CLTA: variants seen among roughly 807,000 people sequenced by gnomAD.
CLTA encodes clathrin light chain A.
CLTA carries 9 observed loss-of-function variants against 26.9 expected under a neutral mutation model. The observed-to-expected ratio is 0.33, with a 90% confidence interval of 0.20 to 0.58. The LOEUF (loss-of-function observed/expected upper bound fraction) is 0.58. Among genes scored for constraint, CLTA ranks in the 20% least tolerant of loss-of-function variants. The pLI, the probability that CLTA is intolerant of heterozygous loss-of-function variation, is 0.85. For synonymous variants in CLTA, 120 were observed against 115.5 expected, an observed-to-expected ratio of 1.04 and a Z score of -0.25; for missense variants, 278 against 294.2, an observed-to-expected ratio of 0.94 and a Z score of 0.40.
At position 36,196,063 on chromosome 9, in the gene CLTA, G is replaced by T. The variant is rs562867195; in HGVS notation, c.218-1488G>T. On this transcript the variant is annotated intron_variant, in intron 1 of 4. Coordinates refer to ENST00000345519, the MANE Select transcript of CLTA (RefSeq NM_001833.4). ...GGCTGAGGTGGGTGGATCGTCTGAG[G>T]TCAGGAGTTCGAGACCATCCTGGCC... Among the ~76,000 whole-genome samples, 18 of 152,190 alleles carry T rather than the reference G, an allele frequency of 1.2e-4. No individual in the cohort carries two copies. The East Asian group carries it at 3.5e-3, about 30-fold the overall frequency.
At chr9:36,196,971 C>T (rs1480956041) in intron 1 of CLTA, among the ~76,000 whole-genome samples, 4 of 152,120 alleles carry the variant, frequency 2.6e-5, no homozygotes, top group Admixed American at 6.5e-5. Context: ...TCCAGGAAAT[C>T]GATAGCAGCC....
Position 36,211,732 on chromosome 9 carries a change from C to T in CLTA, c.615C>T (p.Arg205=), listed in dbSNP as rs1226238278. The T allele has an allele frequency of 6.2e-7, 1 of 1,614,076 alleles. No individual in the cohort carries two copies. The highest frequency in any genetic ancestry group is 8.5e-7 in the Non-Finnish European group (1 of 1,179,928). Reference sequence around the variant, plus strand: ...AGGCCAAAGATGTCTCCCGCATGCGCTCAGTCCTCATCTCCCTCAAGCAGG... The same window carrying T: ...AGGCCAAAGATGTCTCCCGCATGCGTTCAGTCCTCATCTCCCTCAAGCAGG... ...SKQAKDVSRM[R]SVLISLKQAP... The change falls in exon 5 of 5, where the codon CGC becomes CGT. Residue 205 remains arginine, a synonymous_variant. Coordinates refer to ENST00000345519, the MANE Select transcript of CLTA (RefSeq NM_001833.4).
intron 2 of CLTA, 89 bp downstream of exon 2, chr9:36,197,677 A>T: frequency 4.0e-6 from 4 of 993,744 alleles, no homozygotes; most frequent in Non-Finnish European, 6.1e-6. Context: ...AAGAAACCCC[A>T]GTCCTTTGAC....
At chr9:36,209,904 G>T (rs1441847978) in intron 4 of CLTA, among the ~76,000 whole-genome samples, 1 of 152,142 alleles carries the variant, frequency 6.6e-6, no homozygotes, top group Non-Finnish European at 1.5e-5. Context: ...TTCCTCTGTG[G>T]TCTTGCATGT....
chr9:36,202,370 C>T (rs573202233), intron 3 of CLTA, among the ~76,000 whole-genome samples: 4 of 152,064 alleles, frequency 2.6e-5, no homozygotes, highest in Non-Finnish European at 5.9e-5. Context: ...CATTTTTCAT[C>T]CCTTCTAGTA....
At chr9:36,204,616 G>A (rs537238370) in intron 4 of CLTA, among the ~76,000 whole-genome samples, 1 of 152,298 alleles carries the variant, frequency 6.6e-6, no homozygotes, top group South Asian at 2.1e-4. Context: ...TATGTGCTTT[G>A]TAATTAGGCA....
intron 3 of CLTA, 90 bp downstream of exon 3, chr9:36,199,186 C>G: frequency 1.2e-6 from 1 of 848,714 alleles, no homozygotes; most frequent in South Asian, 1.3e-5. Flanking sequence ...TCACATTAAC[C>G]AGTGTCATTG....
chr9:36,191,311 C>G (rs1226274585), intron 1 of CLTA, 38 bp downstream of exon 1: 2 of 1,476,150 alleles, frequency 1.4e-6, no homozygotes, highest in Non-Finnish European at 8.9e-7. Context: ...GAGGACTTGT[C>G]TGGAAACTCG....
chr9:36,211,690 C>T lies in CLTA; in HGVS notation c.573C>T (p.Asn191=). ...GGGTGGCCCGGCTGTGTGACTTTAA[C>T]CCCAAGTCTAGCAAGCAGGCCAAAG... is the stretch of plus-strand genomic sequence containing the variant. ...WERVARLCDF[N]PKSSKQAKDV... is the part of the protein sequence containing the mutation. The change falls in exon 5 of 5, where the codon AAC becomes AAT. Residue 191 remains asparagine (N), a synonymous_variant. Transcript: ENST00000345519. The T allele has an allele frequency of 6.2e-7, 1 of 1,614,114 alleles. No homozygotes were observed. The highest frequency in any genetic ancestry group is 8.5e-7 in the Non-Finnish European group (1 of 1,179,986).
chr9:36,206,881 C>T (rs777105937), intron 4 of CLTA, among the ~76,000 whole-genome samples: 1 of 151,738 alleles, frequency 6.6e-6, no homozygotes, highest in African/African-American at 2.4e-5. Context: ...GGCAACAGAG[C>T]GAGACTCAGT....
Position 36,191,110 on chromosome 9 carries a change from G to T in CLTA, c.54G>T (p.Ala18=). The T allele has an allele frequency of 1.3e-6, 2 of 1,599,328 alleles. No homozygotes were observed. Among genetic ancestry groups the T allele is most frequent in the South Asian group, 1.1e-5 (1 of 90,310 alleles). Residue 18 remains alanine, a synonymous_variant, in exon 1 of 5, where the codon GCG becomes GCT. Coordinates refer to ENST00000345519, the MANE Select transcript of CLTA (RefSeq NM_001833.4). ...CTGCCGGCGCCCCTGGCGGTCCCGC[G>T]CTGGGGAACGGAGTGGCCGGCGCCG... ...GAPAGAPGGP[A]LGNGVAGAGE... is the part of the protein sequence containing the mutation.
chr9:36,195,060 A>G (rs905403824), intron 1 of CLTA, among the ~76,000 whole-genome samples: 8 of 152,308 alleles, frequency 5.3e-5, no homozygotes, highest in East Asian at 3.9e-4. Flanking sequence ...TGGTATGTCA[A>G]TTGTACTATA....
At chr9:36,209,180 A>G in intron 4 of CLTA, 3 of 1,537,688 alleles carry the variant, frequency 2.0e-6, no homozygotes, top group Non-Finnish European at 2.7e-6. Context: ...GTTGTACCTC[A>G]ATTGTGGATT....
At position 36,211,556 on chromosome 9, in the gene CLTA, T is replaced by A. The variant is rs1410634794; in HGVS notation, c.486-47T>A. 2.6e-6 allele frequency: 4 copies of A among 1,553,526 alleles called. No individual in the cohort carries two copies. The South Asian group carries it at 4.8e-5, about 19-fold the overall frequency. Reference sequence around the variant, plus strand: ...TGTAGCAAGGCAGCCACCAGGTTGCTCAAAGGGGGTTCTGCATAAACCAAC... The same window carrying A: ...TGTAGCAAGGCAGCCACCAGGTTGCACAAAGGGGGTTCTGCATAAACCAAC... On this transcript the variant is annotated intron_variant, in intron 4 of 4. Coordinates refer to ENST00000345519, the MANE Select transcript of CLTA (RefSeq NM_001833.4).
intron 4 of CLTA, among the ~76,000 whole-genome samples, chr9:36,208,194 C>T (rs1442900680): frequency 6.6e-6 from 1 of 152,182 alleles, no homozygotes; most frequent in Non-Finnish European, 1.5e-5. Flanking sequence ...CAGGGTAAGA[C>T]TCCATGAGGG....
chr9:36,210,745 G>T, intron 4 of CLTA: 1 of 1,520,022 alleles, frequency 6.6e-7, no homozygotes, highest in South Asian at 1.1e-5. Context: ...AGCGGTGTTT[G>T]CCACGGCCAT....
upstream of CLTA, chr9:36,190,875 G>A (rs536920389): frequency 8.1e-6 from 8 of 993,262 alleles, no homozygotes; most frequent in East Asian, 9.3e-5. Flanking sequence ...TTCCCTTTTC[G>A]GCTCTGCAAC....
intron 3 of CLTA, among the ~76,000 whole-genome samples, chr9:36,201,771 T>G (rs1827424505): frequency 6.6e-6 from 1 of 152,198 alleles, no homozygotes; most frequent in Non-Finnish European, 1.5e-5. Flanking sequence ...AGCTAAATCT[T>G]GCATTCCACA....
chr9:36,209,054 C>T (rs954642486), intron 4 of CLTA, among the ~76,000 whole-genome samples: 4 of 152,324 alleles, frequency 2.6e-5, no homozygotes, highest in African/African-American at 7.2e-5. Flanking sequence ...CTTGCTCTGT[C>T]GTGGAGCAGT....
Sources: allele counts gnomAD v4.1 joint callset (sites outside exome capture counted in the v4.1 genomes callset), GRCh38; gene constraint gnomAD v4.1.1; transcripts MANE v1.5; gene names NCBI Gene and HGNC (gene_info 2026-07-23, HGNC 2026-07-21).